SEMA5A: variants seen among roughly 807,000 people sequenced by gnomAD.
The protein encoded by SEMA5A is semaphorin 5A, also known as semaphorin-5A.
SEMA5A carries 55 observed loss-of-function variants against 135.5 expected under a neutral mutation model. That is an observed-to-expected ratio of 0.41 (90% CI 0.33 to 0.51). SEMA5A has a LOEUF of 0.51. Ranked by LOEUF, SEMA5A falls within the 20% of genes least tolerant of loss-of-function variation. The pLI, the probability that SEMA5A is intolerant of heterozygous loss-of-function variation, is 0.37. For synonymous variants in SEMA5A, 580 were observed against 546.5 expected (o/e 1.06, Z -0.85); for missense variants, 1,290 against 1,419.9 (o/e 0.91, Z 1.47).
At chr5:9,542,424 T>G (rs140197147) in intron 1 of SEMA5A, among the ~76,000 whole-genome samples, 244 of 152,346 alleles carry the variant, frequency 1.6e-3, no homozygotes, top group African/African-American at 5.5e-3. Context: ...AGACGCTCAT[T>G]TTATGATTCA....
chr5:9,335,260 C>T (rs1322028894), intron 4 of SEMA5A, among the ~76,000 whole-genome samples: 1 of 152,150 alleles, frequency 6.6e-6, no homozygotes, highest in Non-Finnish European at 1.5e-5. Flanking sequence ...AGACACCCCA[C>T]TGACACTGGA....
At chr5:9,147,994 G>C (rs1324403138) in intron 12 of SEMA5A, among the ~76,000 whole-genome samples, 2 of 152,156 alleles carry the variant, frequency 1.3e-5, no homozygotes, top group Admixed American at 1.3e-4. Context: ...CCCAGGCTTT[G>C]GGAGCTTATG....
intron 6 of SEMA5A, 25 bp from the exon 7 acceptor site, chr5:9,226,992 T>TAA (rs755538651): frequency 1.8e-4 from 217 of 1,177,734 alleles, no homozygotes; most frequent in African/African-American, 4.2e-4. Flanking sequence ...ATAAATTAAT[T>TAA]AAAAATATAT....
chr5:9,364,514 A>G (rs1754833221), intron 3 of SEMA5A, among the ~76,000 whole-genome samples: 1 of 152,196 alleles, frequency 6.6e-6, no homozygotes, highest in African/African-American at 2.4e-5. Flanking sequence ...GCTTGCTTTT[A>G]TCATGCTCCT....
At chr5:9,172,072 G>A (rs1221787072) in intron 11 of SEMA5A, among the ~76,000 whole-genome samples, 3 of 151,914 alleles carry the variant, frequency 2.0e-5, no homozygotes, top group African/African-American at 7.3e-5. Context: ...TGACTCCAAG[G>A]CTGGAAAACT....
chr5:9,262,943 T>A (rs1473342510), intron 5 of SEMA5A, among the ~76,000 whole-genome samples: 36 of 118,702 alleles, frequency 3.0e-4, no homozygotes, highest in East Asian at 7.6e-4. Flanking sequence ...TCTTATAAAA[T>A]AAAATATTTT....
At chr5:9,446,277 CAAT>C (rs1758429387) in intron 1 of SEMA5A, among the ~76,000 whole-genome samples, 1 of 152,012 alleles carries the variant, frequency 6.6e-6, no homozygotes, top group South Asian at 2.1e-4. Flanking sequence ...TCACATGAGA[CAAT>C]GATGTGTTCT....
intron 2 of SEMA5A, among the ~76,000 whole-genome samples, chr5:9,400,017 A>G (rs376020888): frequency 2.6e-5 from 4 of 152,228 alleles, no homozygotes; most frequent in Admixed American, 6.5e-5. Context: ...AGGAACATCT[A>G]TGAAGCTGTG....
At position 9,545,082 on chromosome 5, in the gene SEMA5A, T is replaced by C. The variant is rs1422159244; in HGVS notation, c.-175+502A>G. The stretch of plus-strand genomic sequence containing the variant: ...GGCGCTTGGCGGAGTTGAGCCCAAG[T>C]CCCATTGCCTCCCGGTTCCCCTGTA... On this transcript the variant is annotated intron_variant, in intron 1 of 22. Transcript: ENST00000382496. This position sits in a 1 kb window ranked among gnomAD's most constrained non-coding sequence, Gnocchi z 4.5. 1.3e-5 allele frequency among the ~76,000 whole-genome samples: 2 copies of C among 152,118 alleles called. No individual in the cohort carries two copies. The highest frequency in any genetic ancestry group is 2.9e-5 in the Non-Finnish European group (2 of 67,960).
At chr5:9,340,926 A>C (rs1215866362) in intron 3 of SEMA5A, among the ~76,000 whole-genome samples, 1 of 152,104 alleles carries the variant, frequency 6.6e-6, no homozygotes, top group African/African-American at 2.4e-5. Flanking sequence ...AAAGGCACTC[A>C]ATCCTCTTTT....
chr5:9,311,361 C>T (rs1456541916), intron 5 of SEMA5A, among the ~76,000 whole-genome samples: 10 of 151,896 alleles, frequency 6.6e-5, no homozygotes, highest in African/African-American at 2.2e-4. Context: ...CCCAGATATA[C>T]AGGAAAGAAG....
chr5:9,122,154 G>GGAAGCTT (rs1740845732), intron 14 of SEMA5A, among the ~76,000 whole-genome samples: 1 of 152,068 alleles, frequency 6.6e-6, no homozygotes, highest in Non-Finnish European at 1.5e-5. Flanking sequence ...CACAGTAAGC[G>GGAAGCTT]GAAGCAACAG....
chr5:9,235,575 C>T (rs200951331), intron 6 of SEMA5A, among the ~76,000 whole-genome samples: 52 of 152,038 alleles, frequency 3.4e-4, no homozygotes, highest in Admixed American at 1.2e-3. Flanking sequence ...TAAGATCGGA[C>T]GAGGAAATAG....
intron 16 of SEMA5A, among the ~76,000 whole-genome samples, chr5:9,102,451 G>C (rs551964437): frequency 6.6e-6 from 1 of 152,196 alleles, no homozygotes; most frequent in South Asian, 2.1e-4. Context: ...AGCCAAATAG[G>C]AAACTTACAG....
chr5:9,315,667 T>G (rs1194081919), intron 5 of SEMA5A, among the ~76,000 whole-genome samples: 1 of 152,176 alleles, frequency 6.6e-6, no homozygotes, highest in Non-Finnish European at 1.5e-5. Context: ...TATCTGATGG[T>G]TCCTCATGAT....
intron 21 of SEMA5A, among the ~76,000 whole-genome samples, chr5:9,049,359 G>A (rs1034284456): frequency 4.6e-5 from 7 of 152,064 alleles, no homozygotes; most frequent in East Asian, 1.9e-4. Context: ...ATGGCATTTC[G>A]TCATGTTGGA....
At chr5:9,517,285 G>A (rs1736585411) in intron 1 of SEMA5A, 1 of 152,228 alleles carries the variant, frequency 6.6e-6, no homozygotes, top group Non-Finnish European at 1.5e-5. Context: ...CATGTGGTCT[G>A]TTCACTAAAT....
At chr5:9,406,252 T>C (rs1756882751) in intron 2 of SEMA5A, among the ~76,000 whole-genome samples, 1 of 152,216 alleles carries the variant, frequency 6.6e-6, no homozygotes. Context: ...GCAGCGATAC[T>C]AATTTATAAT....
At position 9,349,910 on chromosome 5, in the gene SEMA5A, AAAAC is replaced by A. The variant is rs199763404; in HGVS notation, c.125-12102_125-12099del. On this transcript the variant is annotated intron_variant, in intron 3 of 22. Coordinates refer to ENST00000382496, the MANE Select transcript of SEMA5A (RefSeq NM_003966.3). ...GAGCAAGATTCCATCTCAAAAAAAC[AAAAC>A]AAACAAACAAACAAAAAAAAAACAT... Among the ~76,000 whole-genome samples the A allele has an allele frequency of 1.8e-3, 267 of 151,940 alleles. 1 individual carries two copies. Among genetic ancestry groups the A allele is most frequent in the African/African-American group, 6.0e-3 (248 of 41,350 alleles).
Sources: allele counts gnomAD v4.1 joint callset (sites outside exome capture counted in the v4.1 genomes callset), GRCh38; gene constraint gnomAD v4.1.1; non-coding constraint Gnocchi (gnomAD v3.1); transcripts MANE v1.5; gene names NCBI Gene and HGNC (gene_info 2026-07-23, HGNC 2026-07-21).